KCNH7: variants seen among roughly 807,000 people sequenced by gnomAD.
KCNH7 encodes the protein potassium voltage-gated channel subfamily H member 7.
KCNH7 carries 49 observed loss-of-function variants against 120.8 expected under a neutral mutation model. That is an observed-to-expected ratio of 0.41 (90% CI 0.32 to 0.51). The LOEUF (loss-of-function observed/expected upper bound fraction) is 0.51, where lower values mean the gene tolerates loss of function less well. Among genes scored for constraint, KCNH7 ranks in the 20% least tolerant of loss-of-function variants. The probability of loss-of-function intolerance (pLI) is 0.38; values close to 1 mark genes in which losing one functional copy is unlikely to be tolerated. For missense variants in KCNH7, 1,097 were observed against 1,446.6 expected, an observed-to-expected ratio of 0.76 and a Z score of 3.92; for synonymous variants, 547 against 516.1, an observed-to-expected ratio of 1.06 and a Z score of -0.81.
intron 2 of KCNH7, among the ~76,000 whole-genome samples, chr2:162,544,500 G>A (rs903128601): frequency 6.6e-6 from 1 of 152,110 alleles, no homozygotes; most frequent in African/African-American, 2.4e-5. Flanking sequence ...AGCCATGCAT[G>A]TTGTCCCTCC....
At chr2:162,665,403 A>T (rs1372441935) in intron 2 of KCNH7, among the ~76,000 whole-genome samples, 4 of 152,126 alleles carry the variant, frequency 2.6e-5, no homozygotes, top group African/African-American at 9.6e-5. Context: ...GAGATTTTAA[A>T]AACTTACATA....
At chr2:162,529,039 A>C (rs1691821188) in intron 3 of KCNH7, among the ~76,000 whole-genome samples, 2 of 151,972 alleles carry the variant, frequency 1.3e-5, no homozygotes, top group Admixed American at 6.6e-5. Context: ...TGGTAGCTGA[A>C]GATGGAAAGG....
chr2:162,384,573 A>T, intron 13 of KCNH7, 115 bp downstream of exon 13: 1 of 1,042,388 alleles, frequency 9.6e-7, no homozygotes, highest in Non-Finnish European at 1.4e-6. Flanking sequence ...CGAACATTTC[A>T]TGAAGTTGAG....
chr2:162,469,332 T>C (rs1363780004), intron 6 of KCNH7, among the ~76,000 whole-genome samples: 2 of 152,212 alleles, frequency 1.3e-5, no homozygotes, highest in Non-Finnish European at 2.9e-5. Flanking sequence ...ACTATGCTTT[T>C]GACCCTGTAC....
intron 2 of KCNH7, among the ~76,000 whole-genome samples, chr2:162,662,091 G>A (rs1033691218): frequency 5.3e-5 from 8 of 151,920 alleles, no homozygotes; most frequent in Non-Finnish European, 1.0e-4. Context: ...GTGAAACCCC[G>A]TCTCTACTAA....
intron 2 of KCNH7, among the ~76,000 whole-genome samples, chr2:162,765,661 G>A (rs2105460309): frequency 6.6e-6 from 1 of 152,254 alleles, no homozygotes; most frequent in South Asian, 2.1e-4. Flanking sequence ...GTCTTTCATG[G>A]AGCTGGCTCA....
intron 2 of KCNH7, among the ~76,000 whole-genome samples, chr2:162,552,907 C>G (rs1276332476): frequency 6.6e-6 from 1 of 152,154 alleles, no homozygotes; most frequent in Non-Finnish European, 1.5e-5. Flanking sequence ...ACAGTCACAA[C>G]TTGATTTCAG....
At chr2:162,578,148 T>C (rs903260064) in intron 2 of KCNH7, among the ~76,000 whole-genome samples, 5 of 152,030 alleles carry the variant, frequency 3.3e-5, no homozygotes, top group Non-Finnish European at 7.4e-5. Context: ...TGGGATGTTT[T>C]ACACAGAAAT....
At chr2:162,504,414 T>A in intron 6 of KCNH7, 29 bp downstream of exon 6, 1 of 1,520,136 alleles carries the variant, frequency 6.6e-7, no homozygotes, top group Non-Finnish European at 9.1e-7. Context: ...TCTAAAACAG[T>A]TGAAATTGAT....
chr2:162,701,434 A>T (rs1686495366), intron 2 of KCNH7, among the ~76,000 whole-genome samples: 1 of 152,134 alleles, frequency 6.6e-6, no homozygotes, highest in South Asian at 2.1e-4. Context: ...ACTGTCAAAA[A>T]TTTATCTCAG....
intron 2 of KCNH7, among the ~76,000 whole-genome samples, chr2:162,673,368 C>T (rs1298971400): frequency 6.6e-6 from 1 of 151,822 alleles, no homozygotes; most frequent in Non-Finnish European, 1.5e-5. Flanking sequence ...CAGGTTAATC[C>T]CAGAAATGTT....
At chr2:162,505,255 T>A (rs188464624) in intron 5 of KCNH7, among the ~76,000 whole-genome samples, 1 of 152,068 alleles carries the variant, frequency 6.6e-6, no homozygotes, top group East Asian at 1.9e-4. Flanking sequence ...GCCATTTTTG[T>A]GTGAATGTGT....
intron 7 of KCNH7, among the ~76,000 whole-genome samples, chr2:162,438,308 T>C (rs989166360): frequency 1.3e-5 from 2 of 152,164 alleles, no homozygotes; most frequent in Non-Finnish European, 2.9e-5. Context: ...CCTTTTTGCC[T>C]TCCTTCCAAA....
chr2:162,765,265 T>TA (rs1682744828), intron 2 of KCNH7, among the ~76,000 whole-genome samples: 1 of 152,238 alleles, frequency 6.6e-6, no homozygotes. Context: ...CTTTATTGAA[T>TA]CCTGGTATGT....
At chr2:162,707,398 G>C (rs1686752965) in intron 2 of KCNH7, among the ~76,000 whole-genome samples, 1 of 152,062 alleles carries the variant, frequency 6.6e-6, no homozygotes, top group Non-Finnish European at 1.5e-5. Context: ...ATACGAACTA[G>C]ATAGTTTCTG....
chr2:162,472,171 C>G (rs541266207), intron 6 of KCNH7, among the ~76,000 whole-genome samples: 1 of 152,070 alleles, frequency 6.6e-6, no homozygotes, highest in South Asian at 2.1e-4. Flanking sequence ...TCAGGACATA[C>G]GCATGGGCAA....
chr2:162,441,467 G>A (rs1257715367), intron 7 of KCNH7, among the ~76,000 whole-genome samples: 2 of 151,932 alleles, frequency 1.3e-5, no homozygotes, highest in African/African-American at 4.8e-5. Context: ...GGTTTCAAAG[G>A]CCTTCTTTGC....
chr2:162,596,945 A>T (rs188279313), intron 2 of KCNH7, among the ~76,000 whole-genome samples: 37 of 152,278 alleles, frequency 2.4e-4, no homozygotes, highest in African/African-American at 8.7e-4. Flanking sequence ...CAACAGGAAT[A>T]TCAAAACATG....
chr2:162,838,377 C>A, intron 1 of KCNH7, 66 bp downstream of exon 1: 1 of 1,359,650 alleles, frequency 7.4e-7, no homozygotes, highest in Non-Finnish European at 1.1e-6. Flanking sequence ...ACCTTGGAAG[C>A]GGTGGACGCC....
Sources: allele counts gnomAD v4.1 joint callset (sites outside exome capture counted in the v4.1 genomes callset), GRCh38; gene constraint gnomAD v4.1.1; transcripts MANE v1.5; gene names NCBI Gene and HGNC (gene_info 2026-07-23, HGNC 2026-07-21).